The following COLEC12 variants were observed in gnomAD, a reference collection of about 807,000 sequenced individuals.
COLEC12 encodes the protein collectin subfamily member 12.
A neutral mutation model predicts 71.1 loss-of-function variants in COLEC12; 33 were observed. The ratio of observed to expected loss-of-function variants is 0.46; its 90% confidence interval spans 0.35 to 0.62. COLEC12 has a LOEUF of 0.62. Ranked by LOEUF, COLEC12 falls within the 20% of genes least tolerant of loss-of-function variation. The probability of loss-of-function intolerance (pLI) is 0.00; values close to 1 mark genes in which losing one functional copy is unlikely to be tolerated. For synonymous variants in COLEC12, 350 were observed against 353.0 expected (o/e 0.99, Z 0.10); for missense variants, 765 against 916.1 (o/e 0.84, Z 2.13).
At chr18:482,320 G>T (rs1245978523) in intron 1 of COLEC12, among the ~76,000 whole-genome samples, 1 of 151,962 alleles carries the variant, frequency 6.6e-6, no homozygotes, top group African/African-American at 2.4e-5. Context: ...CACCATATTG[G>T]TCAGGCTGGT....
rs1181823331 is a variant in COLEC12 at position 362,669 on chromosome 18, T to C, written c.59-5147A>G. ...GATTTCAGTTCAGGAAGTGAAGCAG[T>C]GCTGCCCCTCACCATTAAGAGATCC... On this transcript the variant is annotated intron_variant, in intron 2 of 9. Coordinates refer to ENST00000400256, the MANE Select transcript of COLEC12 (RefSeq NM_130386.3). The surrounding 1 kb of genome is among the most constrained non-coding windows in gnomAD (Gnocchi z 4.6). Among the ~76,000 whole-genome samples, 1 of 152,092 alleles carries C rather than the reference T, an allele frequency of 6.6e-6. No individual in the cohort carries two copies. The highest frequency in any genetic ancestry group is 1.5e-5 in the Non-Finnish European group (1 of 68,018).
In COLEC12 at chr18:500,541, CGG is replaced by C; in HGVS notation, c.-29_-28del. ...GTGACCGTGGGGACGCACCGCCGGC[CGG>C]GGAGCTCCGCGCGAGCGCCGCGCAG... On this transcript the variant is annotated 5_prime_UTR_variant, in exon 1 of 10. Coordinates refer to ENST00000400256, the MANE Select transcript of COLEC12 (RefSeq NM_130386.3). This position sits in a 1 kb window ranked among gnomAD's most constrained non-coding sequence, Gnocchi z 5.3. The C allele has an allele frequency of 8.2e-7, 1 of 1,222,918 alleles. No homozygotes were observed. The highest frequency in any genetic ancestry group is 1.0e-6 in the Non-Finnish European group (1 of 982,340). 75.8% of individuals were successfully genotyped at this position (1,222,918 alleles called of 1,614,324 possible). A position where few individuals can be genotyped will look rare whatever the true frequency, so the allele number is the denominator to read the frequency against.
intron 2 of COLEC12, among the ~76,000 whole-genome samples, chr18:427,936 ACT>A (rs904775409): frequency 2.6e-4 from 40 of 152,056 alleles, no homozygotes; most frequent in Admixed American, 2.1e-3. Context: ...AATTCTACAC[ACT>A]CTGTTATTTG....
chr18:500,398 G>A lies in COLEC12; in HGVS notation c.7+110C>T. The A allele has an allele frequency of 5.2e-6, 4 of 768,490 alleles. No homozygotes were observed. Among genetic ancestry groups the A allele is most frequent in the Non-Finnish European group, 7.0e-6 (4 of 572,378 alleles). 47.6% of individuals were successfully genotyped at this position (768,490 alleles called of 1,614,324 possible). ...GGCGCCCTGGCAGCCCCGACTCCCC[G>A]GGCCCGCAGCCCAAGGGAAGGTTCG... On this transcript the variant is annotated intron_variant, in intron 1 of 9. Coordinates refer to ENST00000400256, the MANE Select transcript of COLEC12 (RefSeq NM_130386.3). The surrounding 1 kb of genome is among the most constrained non-coding windows in gnomAD (Gnocchi z 5.3).
At chr18:401,616 A>G (rs1464673232) in intron 2 of COLEC12, among the ~76,000 whole-genome samples, 1 of 152,228 alleles carries the variant, frequency 6.6e-6, no homozygotes, top group Non-Finnish European at 1.5e-5. Flanking sequence ...AGGGAGGGCC[A>G]GTGTTCTGGC....
chr18:391,977 C>A (rs535614317), intron 2 of COLEC12, among the ~76,000 whole-genome samples: 5 of 152,226 alleles, frequency 3.3e-5, no homozygotes, highest in Admixed American at 1.3e-4. Context: ...ACAATTCATA[C>A]GTGGCATCAT....
chr18:349,496 A>G (rs1017267289), intron 3 of COLEC12, among the ~76,000 whole-genome samples: 1 of 152,188 alleles, frequency 6.6e-6, no homozygotes, highest in African/African-American at 2.4e-5. Flanking sequence ...TGGAAGGGAA[A>G]TGTGGTGTCG....
At chr18:389,218 C>G (rs994923824) in intron 2 of COLEC12, among the ~76,000 whole-genome samples, 4 of 150,816 alleles carry the variant, frequency 2.7e-5, no homozygotes, top group African/African-American at 9.7e-5. Flanking sequence ...GACACACACA[C>G]ACACACACGG....
chr18:320,020 G>T lies in COLEC12; in HGVS notation c.*25C>A. 1 of 1,459,114 alleles carries T rather than the reference G, an allele frequency of 6.9e-7. No homozygotes were observed. Among genetic ancestry groups the T allele is most frequent in the Non-Finnish European group, 9.5e-7 (1 of 1,057,556 alleles). 90.4% of individuals were successfully genotyped at this position (1,459,114 alleles called of 1,614,324 possible). On this transcript the variant is annotated 3_prime_UTR_variant, in exon 10 of 10. Transcript: ENST00000400256. ...CTTTGCCTTTGAGAGCTGAAAATTT[G>T]CTCATGTGATCCCATCACAGTCCGT...
intron 2 of COLEC12, among the ~76,000 whole-genome samples, chr18:385,375 C>T (rs1442620588): frequency 1.5e-5 from 2 of 135,192 alleles, no homozygotes; most frequent in Non-Finnish European, 3.0e-5. Flanking sequence ...CCCAGGCTGG[C>T]GTTCAGTGGT....
intron 2 of COLEC12, among the ~76,000 whole-genome samples, chr18:359,201 A>G (rs2143505454): frequency 6.6e-6 from 1 of 152,294 alleles, no homozygotes; most frequent in African/African-American, 2.4e-5. Context: ...AAGAACTTTG[A>G]GAGCTGGTTG....
intron 1 of COLEC12, among the ~76,000 whole-genome samples, chr18:482,571 C>A (rs1188318534): frequency 6.6e-6 from 1 of 152,134 alleles, no homozygotes; most frequent in African/African-American, 2.4e-5. Context: ...GACTGCCAGG[C>A]TGTGGCTTCA....
chr18:381,018 C>T lies in COLEC12; in HGVS notation c.59-23496G>A, dbSNP rs866996928. On this transcript the variant is annotated intron_variant, in intron 2 of 9. Transcript: ENST00000400256. ...GATGTTAATTCCATTTTTTATGAAC[C>T]CTTTCCCAAAGAGCCACAGAATGTC... is the stretch of plus-strand genomic sequence containing the variant. 7.2e-5 allele frequency among the ~76,000 whole-genome samples: 11 copies of T among 152,110 alleles called. No individual in the cohort carries two copies. In the Middle Eastern group the frequency reaches 0.01, roughly 141 times the overall value.
chr18:367,303 T>C (rs112433936), intron 2 of COLEC12, among the ~76,000 whole-genome samples: 71 of 152,266 alleles, frequency 4.7e-4, no homozygotes, highest in Admixed American at 1.1e-3. Context: ...AAAATTATGC[T>C]GCTGAGCAGG....
chr18:323,436 G>C (rs574146441), intron 8 of COLEC12, among the ~76,000 whole-genome samples: 1 of 152,304 alleles, frequency 6.6e-6, no homozygotes, highest in South Asian at 2.1e-4. Context: ...TGGCAACATA[G>C]CAGTGCAGAG....
intron 2 of COLEC12, among the ~76,000 whole-genome samples, chr18:398,392 G>A (rs1304257647): frequency 3.3e-5 from 5 of 152,208 alleles, no homozygotes; most frequent in Non-Finnish European, 7.3e-5. Context: ...GGAACCAGCA[G>A]CAAATTCCCC....
At position 319,411 on chromosome 18, in the gene COLEC12, C is replaced by A. The variant is rs1913644770; in HGVS notation, c.*634G>T. 1 of 132,590 alleles carries A rather than the reference C, an allele frequency of 7.5e-6. No individual in the cohort carries two copies. Among genetic ancestry groups the A allele is most frequent in the East Asian group, 2.2e-4 (1 of 4,530 alleles). The allele number at this position is 132,590 out of a possible 1,614,324, so 8.2% of individuals were successfully genotyped here. On this transcript the variant is annotated 3_prime_UTR_variant, in exon 10 of 10. Coordinates refer to ENST00000400256, the MANE Select transcript of COLEC12 (RefSeq NM_130386.3). ...TTTTAAAGCCACAATTGAAAAAATT[C>A]TTTGCCACTGGGTAGAATTAAATCT...
intron 2 of COLEC12, among the ~76,000 whole-genome samples, chr18:383,466 C>A (rs1303572559): frequency 1.3e-5 from 2 of 152,070 alleles, no homozygotes; most frequent in Non-Finnish European, 2.9e-5. Flanking sequence ...TACAATAATA[C>A]CTGCCAGAAA....
At chr18:467,535 A>G (rs1269303251) in intron 2 of COLEC12, among the ~76,000 whole-genome samples, 1 of 152,220 alleles carries the variant, frequency 6.6e-6, no homozygotes, top group African/African-American at 2.4e-5. Flanking sequence ...TACCAAGAAA[A>G]ATTTCATATG....
Sources: allele counts gnomAD v4.1 joint callset (sites outside exome capture counted in the v4.1 genomes callset), GRCh38; gene constraint gnomAD v4.1.1; non-coding constraint Gnocchi (gnomAD v3.1); transcripts MANE v1.5; gene names NCBI Gene and HGNC (gene_info 2026-07-23, HGNC 2026-07-21).